The following CAMK1D variants were observed in gnomAD, a reference collection of about 807,000 sequenced individuals.
The protein encoded by CAMK1D is calcium/calmodulin-dependent protein kinase type 1D.
A neutral mutation model predicts 47.7 loss-of-function variants in CAMK1D; 9 were observed. The observed-to-expected ratio is 0.19, with a 90% CI of 0.11 to 0.33. The LOEUF is 0.33. Among genes scored for constraint, CAMK1D ranks in the 10% least tolerant of loss-of-function variants. The probability of loss-of-function intolerance (pLI) is 1.00; values close to 1 mark genes in which losing one functional copy is unlikely to be tolerated. For synonymous variants in CAMK1D, 184 were observed against 184.9 expected (o/e 0.99, Z 0.04); for missense variants, 291 against 488.7 (o/e 0.60, Z 3.81).
intron 5 of CAMK1D, among the ~76,000 whole-genome samples, chr10:12,778,071 A>T (rs1837341015): frequency 6.6e-6 from 1 of 152,190 alleles, no homozygotes; most frequent in African/African-American, 2.4e-5. Context: ...AGATGAGGAA[A>T]AGCTTCCATT....
chr10:12,375,445 G>A (rs1009181539), intron 1 of CAMK1D, among the ~76,000 whole-genome samples: 1 of 152,176 alleles, frequency 6.6e-6, no homozygotes. Context: ...TTTAATCCAT[G>A]GGGCTTTGCC....
At chr10:12,391,516 G>GT (rs34737342) in intron 1 of CAMK1D, among the ~76,000 whole-genome samples, 21,431 of 151,746 alleles carry the variant, frequency 0.14, 1,682 homozygotes, top group South Asian at 0.2. Context: ...CATGCTGACC[G>GT]TTTTTTTTAA....
At chr10:12,519,151 T>C (rs1252831004) in intron 1 of CAMK1D, among the ~76,000 whole-genome samples, 1 of 65,014 alleles carries the variant, frequency 1.5e-5, no homozygotes, top group Non-Finnish European at 3.2e-5. Flanking sequence ...ACAGGGCGGC[T>C]GGCCAGACAG....
intron 1 of CAMK1D, among the ~76,000 whole-genome samples, chr10:12,459,503 G>GAA (rs796406129): frequency 6.7e-6 from 1 of 149,034 alleles, no homozygotes; most frequent in African/African-American, 2.5e-5. Context: ...ACAGAAAATT[G>GAA]AAAAAAAAAC....
At position 12,591,970 on chromosome 10, in the gene CAMK1D, G is replaced by T. The variant is rs1368042518; in HGVS notation, c.224+38614G>T. ...GCCTCCCAAAGTGCTAGGATTACAGGCGTGAGCCACCACGCTCAGCTGTTT... is the reference window on the plus strand; with the variant it reads ...GCCTCCCAAAGTGCTAGGATTACAGTCGTGAGCCACCACGCTCAGCTGTTT... On this transcript the variant is annotated intron_variant, in intron 2 of 10. Coordinates refer to ENST00000619168, the MANE Select transcript of CAMK1D (RefSeq NM_153498.4). Among the ~76,000 whole-genome samples the T allele has an allele frequency of 2.0e-5, 3 of 152,222 alleles. No individual in the cohort carries two copies. The East Asian group carries it at 5.8e-4, about 29-fold the overall frequency.
At chr10:12,671,779 G>A (rs537111269) in intron 3 of CAMK1D, among the ~76,000 whole-genome samples, 1 of 151,692 alleles carries the variant, frequency 6.6e-6, no homozygotes, top group East Asian at 1.9e-4. Context: ...CCCCTATTCT[G>A]TAGATTGTCT....
chr10:12,457,548 C>T (rs2815614), intron 1 of CAMK1D, among the ~76,000 whole-genome samples: 83,805 of 151,670 alleles, frequency 0.55, 23,225 homozygotes, highest in East Asian at 0.73. Context: ...ATGGGGAGGC[C>T]GAGACGGGTG....
chr10:12,455,711 C>G (rs1299150977), intron 1 of CAMK1D, among the ~76,000 whole-genome samples: 1 of 152,148 alleles, frequency 6.6e-6, no homozygotes, highest in Non-Finnish European at 1.5e-5. Flanking sequence ...CAGCTGAAAA[C>G]ATTCTTGTCC....
At chr10:12,683,814 A>G (rs1425354770) in intron 3 of CAMK1D, among the ~76,000 whole-genome samples, 1 of 151,020 alleles carries the variant, frequency 6.6e-6, no homozygotes, top group Non-Finnish European at 1.5e-5. Flanking sequence ...TACAATTTTT[A>G]AATTCAACAT....
intron 1 of CAMK1D, among the ~76,000 whole-genome samples, chr10:12,540,157 T>A (rs1836120893): frequency 6.6e-6 from 1 of 151,738 alleles, no homozygotes; most frequent in Non-Finnish European, 1.5e-5. Context: ...CTCCAACTCC[T>A]GGCCTCAAGT....
intron 3 of CAMK1D, among the ~76,000 whole-genome samples, chr10:12,733,389 A>G (rs986707516): frequency 6.6e-6 from 1 of 152,226 alleles, no homozygotes; most frequent in African/African-American, 2.4e-5. Context: ...TTAGGTGGGG[A>G]GTCATAAACA....
chr10:12,452,021 C>T (rs1258889307), intron 1 of CAMK1D, among the ~76,000 whole-genome samples: 1 of 152,136 alleles, frequency 6.6e-6, no homozygotes, highest in Admixed American at 6.5e-5. Context: ...GGGAGAGGAA[C>T]CATCCAGGTT....
At position 12,533,247 on chromosome 10, in the gene CAMK1D, C is replaced by G. The variant is rs377125634; in HGVS notation, c.93-19978C>G. On this transcript the variant is annotated intron_variant, in intron 1 of 10. Transcript: ENST00000619168. ...ATTAAAACAGTGTTAAAAGACTGCC[C>G]TTTCTGACGGCACCACTTTGTTTAT... 1.3e-3 allele frequency among the ~76,000 whole-genome samples: 196 copies of G among 152,272 alleles called. 2 individuals carry two copies. The highest frequency in any genetic ancestry group is 3.9e-3 in the African/African-American group (162 of 41,550).
intron 1 of CAMK1D, among the ~76,000 whole-genome samples, chr10:12,369,570 A>G (rs541597065): frequency 1.3e-5 from 2 of 152,310 alleles, no homozygotes; most frequent in East Asian, 3.9e-4. Flanking sequence ...ATTACATAGC[A>G]TTGCTCAGTG....
intron 6 of CAMK1D, among the ~76,000 whole-genome samples, chr10:12,793,310 T>C (rs1308348538): frequency 6.6e-6 from 1 of 152,228 alleles, no homozygotes; most frequent in African/African-American, 2.4e-5. Context: ...GACTATGGTC[T>C]GCACGAATGT....
At chr10:12,483,719 C>T (rs1001137515) in intron 1 of CAMK1D, among the ~76,000 whole-genome samples, 4 of 150,580 alleles carry the variant, frequency 2.7e-5, no homozygotes, top group South Asian at 2.1e-4. Flanking sequence ...CAGAGTCTCA[C>T]TCTGTTGCCC....
intron 1 of CAMK1D, among the ~76,000 whole-genome samples, chr10:12,353,937 A>T (rs1473745483): frequency 6.6e-6 from 1 of 152,184 alleles, no homozygotes; most frequent in African/African-American, 2.4e-5. Flanking sequence ...AAAAAATAAA[A>T]AAACCCCTAA....
intron 5 of CAMK1D, among the ~76,000 whole-genome samples, chr10:12,790,588 A>G (rs890615763): frequency 3.5e-5 from 5 of 144,478 alleles, no homozygotes; most frequent in Non-Finnish European, 7.6e-5. Flanking sequence ...TTCCATCAGT[A>G]ATCTCACATC....
At chr10:12,630,612 T>A (rs1287165960) in intron 2 of CAMK1D, among the ~76,000 whole-genome samples, 2 of 152,142 alleles carry the variant, frequency 1.3e-5, no homozygotes, top group African/African-American at 4.8e-5. Context: ...AGAAATGAGG[T>A]CTCACTATGT....
Sources: gnomAD v4.1 joint callset for allele counts (sites outside exome capture counted in the v4.1 genomes callset) on GRCh38, gnomAD v4.1.1 for gene constraint, MANE v1.5 for transcripts, NCBI Gene and HGNC (gene_info 2026-07-23, HGNC 2026-07-21) for gene names.